The following COIL variants were observed in gnomAD, a reference collection of about 807,000 sequenced individuals.
The protein encoded by COIL is coilin p80.
A neutral mutation model predicts 51.6 loss-of-function variants in COIL; 28 were observed. The ratio of observed to expected loss-of-function variants is 0.54; its 90% CI spans 0.40 to 0.74. The LOEUF (loss-of-function observed/expected upper bound fraction) is 0.74, where lower values mean the gene tolerates loss of function less well. COIL is among the 30% of genes least tolerant of loss of function. The pLI is 0.00. For missense variants in COIL, 667 were observed against 685.9 expected, an observed-to-expected ratio of 0.97 and a Z score of 0.31; for synonymous variants, 233 against 255.8, an observed-to-expected ratio of 0.91 and a Z score of 0.85.
At chr17:56,948,894 T>C (rs1910302284) in intron 4 of COIL, among the ~76,000 whole-genome samples, 1 of 151,742 alleles carries the variant, frequency 6.6e-6, no homozygotes, top group African/African-American at 2.4e-5. Context: ...CTGAGAACTA[T>C]TTATTATTTT....
intron 5 of COIL, among the ~76,000 whole-genome samples, chr17:56,945,556 C>G (rs1424070448): frequency 2.0e-5 from 3 of 152,178 alleles, no homozygotes; most frequent in Non-Finnish European, 4.4e-5. Flanking sequence ...TATACACACA[C>G]TTCAGACATT....
At chr17:56,946,828 G>A (rs1910257921) in intron 4 of COIL, among the ~76,000 whole-genome samples, 3 of 152,274 alleles carry the variant, frequency 2.0e-5, no homozygotes, top group South Asian at 4.1e-4. Flanking sequence ...GACTGAATAA[G>A]GGAAAAGGAG....
At position 56,950,086 on chromosome 17, in the gene COIL, A is replaced by G. The variant is rs866671999; in HGVS notation, c.1156T>C (p.Ser386Pro). Residue 386 changes from serine (S) to proline (P), a missense_variant, in exon 2 of 7, where the codon TCT becomes CCT. Transcript: ENST00000240316. ...GQAPGASPSV[S>P]LPASLGRGWG... ...CCTCTTCCTAAACTAGCAGGGAGAG[A>G]CACACTGGGAGAAGCACCAGGAGCC... 3 of 1,613,940 alleles carry G rather than the reference A, an allele frequency of 1.9e-6. No individual in the cohort carries two copies. The African/African-American group carries it at 4.0e-5, about 22-fold the overall frequency.
At position 56,961,013 on chromosome 17, in the gene COIL, C is replaced by T. The variant is rs770031953; in HGVS notation, c.7G>A (p.Ala3Thr). 1.9e-6 allele frequency: 3 copies of T among 1,613,680 alleles called. No homozygotes were observed. Among genetic ancestry groups the T allele is most frequent in the East Asian group, 2.2e-5 (1 of 44,854 alleles). ...AGCCGTAGCCTAACCGTCTCGGAAG[C>T]TGCCATCTTGCTTGGTGCTCAACGG... Reference protein sequence around the residue: MAASETVRLRLQF... With the variant: MATSETVRLRLQF... The change falls in exon 1 of 7, where the codon GCT (alanine) becomes ACT (threonine). Residue 3 changes from alanine (A) to threonine (T), a missense_variant. Transcript: ENST00000240316.
At chr17:56,949,238 T>G (rs1430276174) in intron 4 of COIL, 149 bp downstream of exon 4, 21 of 616,150 alleles carry the variant, frequency 3.4e-5, no homozygotes, top group Non-Finnish European at 5.2e-5. Context: ...TATTAAAGAG[T>G]TGACATTTCG....
rs1485549867 is a variant in COIL, at chr17:56,940,449, A to G, written c.1648-1295T>C. On this transcript the variant is annotated intron_variant, in intron 6 of 6. Coordinates refer to ENST00000240316, the MANE Select transcript of COIL (RefSeq NM_004645.3). ...TCTATTCTACTTCAAGTCTCTGTTTAGGGCATAGAGAGAAAAGCCTCCAAG... is the reference window on the plus strand; with the variant it reads ...TCTATTCTACTTCAAGTCTCTGTTTGGGGCATAGAGAGAAAAGCCTCCAAG... Among the ~76,000 whole-genome samples, 6 of 152,212 alleles carry G rather than the reference A, an allele frequency of 3.9e-5. No individual in the cohort carries two copies. In the Middle Eastern group the frequency reaches 0.01, roughly 259 times the overall value.
chr17:56,944,546 C>T (rs760459007), intron 5 of COIL, among the ~76,000 whole-genome samples: 4 of 149,434 alleles, frequency 2.7e-5, no homozygotes, highest in Admixed American at 1.3e-4. Context: ...GAGCCGAGAT[C>T]GCCCACTGCA....
rs1910330984 is a variant in COIL, at chr17:56,950,164, G to A, written c.1078C>T (p.Gln360Ter). 6.2e-7 allele frequency: 1 copy of A among 1,614,064 alleles called. No homozygotes were observed. The highest frequency in any genetic ancestry group is 1.3e-5 in the African/African-American group (1 of 74,924). The change falls in exon 2 of 7, where the codon CAG becomes TAG. Residue 360 changes from glutamine (Q) to a stop codon, truncating the protein, a stop_gained. Coordinates refer to ENST00000240316, the MANE Select transcript of COIL (RefSeq NM_004645.3). LOFTEE classifies it high-confidence loss of function. ...RGRPGPGLSS[Q>*]TAGAAGWRRS... ...CTCCATCCAGCAGCACCTGCAGTCT[G>A]TGATGACAGCCCTGGGCCTGGACGA...
chr17:56,941,575 CA>C (rs1910149249), intron 6 of COIL, among the ~76,000 whole-genome samples: 1 of 152,080 alleles, frequency 6.6e-6, no homozygotes, highest in Admixed American at 6.6e-5. Flanking sequence ...CTCAAAAAAA[CA>C]AAAGTTGGAA....
Position 56,960,991 on chromosome 17 carries a change from C to T in COIL, c.29G>A (p.Arg10Gln), listed in dbSNP as rs757978142. The change falls in exon 1 of 7, where the codon CGG becomes CAG. Residue 10 changes from arginine (R) to glutamine (Q), a missense_variant. Transcript: ENST00000240316. ...TGGCGGCGGGTAATCAAATTGAAGC[C>T]GTAGCCTAACCGTCTCGGAAGCTGC... is the stretch of plus-strand genomic sequence containing the variant. Reference protein sequence around the residue: MAASETVRLRLQFDYPPPAT... With the variant: MAASETVRLQLQFDYPPPAT... 2 of 1,614,032 alleles carry T rather than the reference C, an allele frequency of 1.2e-6. No individual in the cohort carries two copies. Among genetic ancestry groups the T allele is most frequent in the East Asian group, 2.2e-5 (1 of 44,870 alleles).
At chr17:56,942,238 A>C in intron 5 of COIL, 115 bp from the exon 6 acceptor site, 1 of 822,296 alleles carries the variant, frequency 1.2e-6, no homozygotes, top group East Asian at 2.6e-5. Flanking sequence ...CTGTCAATTA[A>C]TGTGAAGGCT....
chr17:56,944,581 A>G (rs919419729), intron 5 of COIL, among the ~76,000 whole-genome samples: 4 of 150,358 alleles, frequency 2.7e-5, no homozygotes, highest in Admixed American at 2.7e-4. Context: ...ACAGAGTGAG[A>G]CTCCATCTCA....
intron 1 of COIL, among the ~76,000 whole-genome samples, chr17:56,953,940 T>C (rs1430598951): frequency 6.6e-6 from 1 of 152,220 alleles, no homozygotes; most frequent in African/African-American, 2.4e-5. Flanking sequence ...ATTCTTAATC[T>C]GGCAAAAGCC....
intron 1 of COIL, 66 bp from the exon 2 acceptor site, chr17:56,951,062 A>G (rs570997810): frequency 7.2e-7 from 1 of 1,380,940 alleles, no homozygotes; most frequent in African/African-American, 1.4e-5. Flanking sequence ...GGACATAGTT[A>G]TATACTGAGA....
At chr17:56,943,606 G>A (rs1398014891) in intron 5 of COIL, among the ~76,000 whole-genome samples, 1 of 152,216 alleles carries the variant, frequency 6.6e-6, no homozygotes. Context: ...AATAACAGAT[G>A]CACAGTGACC....
At chr17:56,939,778 C>T (rs1197623691) in intron 6 of COIL, among the ~76,000 whole-genome samples, 1 of 152,014 alleles carries the variant, frequency 6.6e-6, no homozygotes, top group Non-Finnish European at 1.5e-5. Flanking sequence ...AACTCATTTA[C>T]TTAGAATGAA....
rs113125612 is a variant in COIL, at chr17:56,942,033, A to G, written c.1647+2T>C. ...GCAACGCAAGAAGAGAAGCACACCT[A>G]CCTTGCTCTCCTGTGTCACAGCGTA... On this transcript the variant is annotated splice_donor_variant, in intron 6 of 6. Transcript: ENST00000240316. LOFTEE classifies it high-confidence loss of function. 150 of 1,611,708 alleles carry G rather than the reference A, an allele frequency of 9.3e-5. No homozygotes were observed. The highest frequency in any genetic ancestry group is 1.2e-4 in the Non-Finnish European group (145 of 1,177,972).
At chr17:56,951,138 CTCTT>C (rs1270376731) in intron 1 of COIL, 142 bp from the exon 2 acceptor site, 11 of 819,480 alleles carry the variant, frequency 1.3e-5, no homozygotes, top group Admixed American at 1.0e-4. Context: ...AGACAAAAGA[CTCTT>C]TCTGGCAAAA....
intron 5 of COIL, among the ~76,000 whole-genome samples, chr17:56,944,842 C>A (rs556667308): frequency 6.7e-6 from 1 of 150,232 alleles, no homozygotes; most frequent in Admixed American, 6.7e-5. Context: ...ATGGTAAAAC[C>A]CCGTCTCTAC....
Sources: gnomAD v4.1 joint callset for allele counts (sites outside exome capture counted in the v4.1 genomes callset) on GRCh38, gnomAD v4.1.1 for gene constraint, MANE v1.5 for transcripts, NCBI Gene and HGNC (gene_info 2026-07-23, HGNC 2026-07-21) for gene names.